LRGUK: variants seen among roughly 807,000 people sequenced by gnomAD.
LRGUK encodes leucine-rich repeat and guanylate kinase domain-containing protein.
Under a neutral mutation model 76.0 loss-of-function variants are expected in LRGUK, and 65 were observed. The ratio of observed to expected loss-of-function variants is 0.85; its 90% CI spans 0.70 to 1.05. The LOEUF is 1.05. LRGUK is among the 50% of genes least tolerant of loss of function. The pLI, the probability that LRGUK is intolerant of heterozygous loss-of-function variation, is 0.00. For synonymous variants in LRGUK, 268 were observed against 265.6 expected (o/e 1.01, Z -0.09); for missense variants, 758 against 732.8 (o/e 1.03, Z -0.40).
rs1477670496 is a variant in LRGUK at position 134,129,423 on chromosome 7, C to CTCG, written c.297+1761_297+1762insGTC. ...CCTTCCCTCCCTCCCCTCCCCACCCCTCCCTCCCCTCCCCTCCCTTCCGTC... is the reference window on the plus strand; with the variant it reads ...CCTTCCCTCCCTCCCCTCCCCACCCCTCGTCCCTCCCCTCCCCTCCCTTCCGTC... On this transcript the variant is annotated intron_variant, in intron 1 of 15. Coordinates refer to ENST00000645682, the Ensembl canonical transcript of LRGUK. 7.8e-5 allele frequency among the ~76,000 whole-genome samples: 3 copies of CTCG among 38,696 alleles called. 1 individual carries two copies. The highest frequency in any genetic ancestry group is 3.6e-4 in the African/African-American group (3 of 8,444). The allele number at this position is 38,696 out of a possible 152,430, so 25.4% of individuals were successfully genotyped here.
downstream of LRGUK, among the ~76,000 whole-genome samples, chr7:134,266,099 C>A (rs544642302): frequency 2.0e-5 from 3 of 152,338 alleles, no homozygotes; most frequent in East Asian, 5.8e-4. Context: ...CTCTCTCTAT[C>A]TGCCGGTCAT....
At chr7:134,165,804 C>T (rs1400769310) in intron 7 of LRGUK, among the ~76,000 whole-genome samples, 1 of 152,140 alleles carries the variant, frequency 6.6e-6, no homozygotes, top group Non-Finnish European at 1.5e-5. Flanking sequence ...TCTAGAAATA[C>T]CTCATAAATA....
chr7:134,220,501 C>T (rs1801562122), intron 15 of LRGUK, among the ~76,000 whole-genome samples: 1 of 152,044 alleles, frequency 6.6e-6, no homozygotes, highest in Admixed American at 6.6e-5. Flanking sequence ...AGGCAAAGTC[C>T]CTACATCTGT....
intron 9 of LRGUK, 135 bp from the exon 10 acceptor site, chr7:134,178,368 T>G: frequency 1.8e-6 from 1 of 545,932 alleles, no homozygotes; most frequent in South Asian, 2.7e-5. Context: ...AATACTAATG[T>G]TAATGGGTGT....
In LRGUK at chr7:134,151,469, A is replaced by G. The variant is rs567179234; in HGVS notation, c.670+3150A>G. Reference sequence around the variant, plus strand: ...AAAGCCTAGACCCCAAATTTTCAAAACAGACCTTCCAATAGTGAACAAATT... The same window carrying G: ...AAAGCCTAGACCCCAAATTTTCAAAGCAGACCTTCCAATAGTGAACAAATT... On this transcript the variant is annotated intron_variant, in intron 5 of 15. Coordinates refer to ENST00000645682, the Ensembl canonical transcript of LRGUK. 2.6e-5 allele frequency among the ~76,000 whole-genome samples: 4 copies of G among 152,244 alleles called. No homozygotes were observed. In the South Asian group the frequency reaches 8.3e-4, roughly 32 times the overall value.
chr7:134,148,830 G>T (rs1798086283), intron 5 of LRGUK, among the ~76,000 whole-genome samples: 1 of 151,892 alleles, frequency 6.6e-6, no homozygotes, highest in Admixed American at 6.6e-5. Flanking sequence ...CACGAGAATT[G>T]CTTGAACCAG....
rs542518518 is a variant in LRGUK at position 134,169,364 on chromosome 7, G to C, written c.940-5192G>C. Among the ~76,000 whole-genome samples the C allele has an allele frequency of 3.3e-5, 5 of 152,214 alleles. 1 individual carries two copies. The highest frequency in any genetic ancestry group is 5.9e-5 in the Non-Finnish European group (4 of 68,016). On this transcript the variant is annotated intron_variant, in intron 7 of 15. Coordinates refer to ENST00000645682, the Ensembl canonical transcript of LRGUK. ...GCTGACACCTTGATTTCAGACTGCT[G>C]GTCTCCAGAACTGTGGAAGGAAGAA...
At chr7:134,215,903 A>T (rs1193969623) in intron 15 of LRGUK, among the ~76,000 whole-genome samples, 1 of 152,202 alleles carries the variant, frequency 6.6e-6, no homozygotes, top group African/African-American at 2.4e-5. Context: ...GTGTTAGAAG[A>T]TCAAACCTCT....
downstream of LRGUK, among the ~76,000 whole-genome samples, chr7:134,214,219 CT>C (rs59354010): frequency 0.11 from 15,837 of 147,588 alleles, 1,181 homozygotes; most frequent in East Asian, 0.39. Flanking sequence ...ACAGGATAGA[CT>C]TTTTTTTTTT....
chr7:134,163,475 A>G, exon 7 of LRGUK: 2 of 1,614,032 alleles, frequency 1.2e-6, no homozygotes, highest in East Asian at 2.2e-5. Context: ...CCACAATCAG[A>G]TAAGCAGCCT....
At chr7:134,209,256 C>T in exon 16 of LRGUK, 1 of 399,210 alleles carries the variant, frequency 2.5e-6, no homozygotes, top group Non-Finnish European at 4.4e-6. Context: ...CCTGGCCCCA[C>T]TCCCCTCAGC....
Position 134,218,310 on chromosome 7 carries a change from A to G in LRGUK, c.1844-3469A>G, listed in dbSNP as rs150726413. On this transcript the variant is annotated intron_variant, in intron 15 of 19. Coordinates refer to the LRGUK transcript ENST00000285928. The stretch of plus-strand genomic sequence containing the variant: ...GTGCATCTCAGGACTTTTATTTAAA[A>G]ATTAAAGTCTGTTTCTAAGTCATCC... 3.5e-4 allele frequency among the ~76,000 whole-genome samples: 54 copies of G among 152,320 alleles called. No homozygotes were observed. The East Asian group carries it at 0.01, about 29-fold the overall frequency.
intron 14 of LRGUK, among the ~76,000 whole-genome samples, chr7:134,199,990 A>G (rs1800689238): frequency 1.0e-5 from 1 of 99,362 alleles, no homozygotes; most frequent in Non-Finnish European, 2.0e-5. Flanking sequence ...TTTTATATAT[A>G]TATATATATA....
In LRGUK at chr7:134,226,391, A is replaced by T. The variant is rs376004596; in HGVS notation, c.1983+4473A>T. 4.4e-4 allele frequency among the ~76,000 whole-genome samples: 67 copies of T among 152,212 alleles called. No homozygotes were observed. In the South Asian group the frequency reaches 0.013, roughly 29 times the overall value. On this transcript the variant is annotated intron_variant, in intron 16 of 19. Coordinates refer to the LRGUK transcript ENST00000285928. Reference sequence around the variant, plus strand: ...AGGCCTTCTCTATACCGCCTCTGTAATCTAATATTCTCTTCCCTTGGCCAT... The same window carrying T: ...AGGCCTTCTCTATACCGCCTCTGTATTCTAATATTCTCTTCCCTTGGCCAT...
At chr7:134,194,247 A>G (rs1209003256) in intron 12 of LRGUK, among the ~76,000 whole-genome samples, 1 of 152,188 alleles carries the variant, frequency 6.6e-6, no homozygotes, top group Non-Finnish European at 1.5e-5. Flanking sequence ...ACTATGCAAG[A>G]TTCCTCCCAA....
At chr7:134,193,632 T>C (rs1410012616) in intron 12 of LRGUK, among the ~76,000 whole-genome samples, 1 of 152,224 alleles carries the variant, frequency 6.6e-6, no homozygotes, top group Non-Finnish European at 1.5e-5. Flanking sequence ...TGTAATTTTC[T>C]TGAACTTGAA....
chr7:134,216,459 T>C (rs1801438944), intron 15 of LRGUK, among the ~76,000 whole-genome samples: 1 of 152,174 alleles, frequency 6.6e-6, no homozygotes, highest in South Asian at 2.1e-4. Context: ...TGGGCATTCA[T>C]AGGAGGCATT....
intron 15 of LRGUK, among the ~76,000 whole-genome samples, chr7:134,206,423 G>A (rs1449193643): frequency 6.6e-6 from 1 of 152,098 alleles, no homozygotes; most frequent in Non-Finnish European, 1.5e-5. Context: ...GCTGAGGCAG[G>A]AGAATCGCTT....
chr7:134,180,437 C>A (rs1432013789), intron 10 of LRGUK, among the ~76,000 whole-genome samples: 3 of 152,036 alleles, frequency 2.0e-5, no homozygotes, highest in Non-Finnish European at 2.9e-5. Flanking sequence ...TTAAATACCT[C>A]CTGAATTCTT....
Sources: allele counts gnomAD v4.1 joint callset (sites outside exome capture counted in the v4.1 genomes callset), GRCh38; gene constraint gnomAD v4.1.1; transcripts MANE v1.5; gene names NCBI Gene and HGNC (gene_info 2026-07-23, HGNC 2026-07-21).